FCF1: variants seen among roughly 807,000 people sequenced by gnomAD.
The protein encoded by FCF1 is FCF1 rRNA-processing protein.
FCF1 carries 17 observed loss-of-function variants against 32.5 expected under a neutral mutation model. The observed-to-expected ratio is 0.52, with a 90% CI of 0.36 to 0.78. FCF1 has a LOEUF of 0.78. Among genes scored for constraint, FCF1 ranks in the 30% least tolerant of loss-of-function variants. The pLI, the probability that FCF1 is intolerant of heterozygous loss-of-function variation, is 0.00. For missense variants in FCF1, 201 were observed against 241.1 expected, an observed-to-expected ratio of 0.83 and a Z score of 1.10; for synonymous variants, 84 against 78.4, an observed-to-expected ratio of 1.07 and a Z score of -0.38.
intron 4 of FCF1, among the ~76,000 whole-genome samples, chr14:74,717,641 G>A (rs997072536): frequency 3.9e-5 from 6 of 152,166 alleles, no homozygotes; most frequent in Non-Finnish European, 8.8e-5. Flanking sequence ...CCCCATATGG[G>A]GGAAGACACT....
At chr14:74,724,498 C>G (rs939895631) in intron 5 of FCF1, among the ~76,000 whole-genome samples, 55 of 152,196 alleles carry the variant, frequency 3.6e-4, no homozygotes, top group African/African-American at 1.3e-3. Flanking sequence ...GTTGCCCAGG[C>G]TAGTCTTGAA....
chr14:74,731,306 A>G (rs527854656), intron 5 of FCF1, among the ~76,000 whole-genome samples: 1 of 152,296 alleles, frequency 6.6e-6, no homozygotes, highest in South Asian at 2.1e-4. Flanking sequence ...ACAGCATGTT[A>G]GTATGTTTCT....
chr14:74,713,696 C>G (rs1373681646), intron 2 of FCF1, 144 bp downstream of exon 2: 11 of 697,164 alleles, frequency 1.6e-5, no homozygotes, highest in Non-Finnish European at 2.7e-5. Context: ...CAGTGTTTAA[C>G]AGTAATTTAG....
At chr14:74,731,025 A>G (rs1038658857) in intron 5 of FCF1, among the ~76,000 whole-genome samples, 1 of 152,030 alleles carries the variant, frequency 6.6e-6, no homozygotes, top group African/African-American at 2.4e-5. Flanking sequence ...TAGTAGAGAT[A>G]GGGTCTCACT....
At chr14:74,734,002 G>T in intron 6 of FCF1, 74 bp from the exon 7 acceptor site, 1 of 967,814 alleles carries the variant, frequency 1.0e-6, no homozygotes, top group Non-Finnish European at 1.7e-6. Context: ...CTGGTCAGTC[G>T]TTGTGCCATT....
At chr14:74,713,918 A>G (rs1370290683) in intron 2 of FCF1, among the ~76,000 whole-genome samples, 1 of 152,204 alleles carries the variant, frequency 6.6e-6, no homozygotes, top group Non-Finnish European at 1.5e-5. Flanking sequence ...AAAGATGGCA[A>G]GGTTAGAGAC....
chr14:74,714,933 G>A lies in FCF1; in HGVS notation c.133G>A (p.Glu45Lys). The change falls in exon 3 of 8, where the codon GAA becomes AAA. Residue 45 changes from glutamate (E) to lysine (K), a missense_variant. Glu to Lys is a moderately conservative substitution (Grantham distance 56). Coordinates refer to ENST00000341162, the MANE Select transcript of FCF1 (RefSeq NM_015962.5). ...AAAGAAGGATCCCAGCGCATTAAAG[G>A]AAAGAGAAGTGTGAGTAATCAAACG... is the stretch of plus-strand genomic sequence containing the variant. ...KEKKDPSALK[E>K]REVPQHPSCL... 8 of 1,596,786 alleles carry A rather than the reference G, an allele frequency of 5.0e-6. No individual in the cohort carries two copies. Among genetic ancestry groups the A allele is most frequent in the Non-Finnish European group, 6.8e-6 (8 of 1,174,438 alleles).
Position 74,732,923 on chromosome 14 carries a change from T to C in FCF1, c.453+105T>C, listed in dbSNP as rs567972122. Reference sequence around the variant, plus strand: ...GTAAAACATCTAGGAATATACATTATGGTTAAATTAAAAAAAAATTGCATA... The same window carrying C: ...GTAAAACATCTAGGAATATACATTACGGTTAAATTAAAAAAAAATTGCATA... On this transcript the variant is annotated intron_variant, in intron 6 of 7. Coordinates refer to ENST00000341162, the MANE Select transcript of FCF1 (RefSeq NM_015962.5). 74 of 667,314 alleles carry C rather than the reference T, an allele frequency of 1.1e-4. No homozygotes were observed. In the South Asian group the frequency reaches 1.4e-3, roughly 13 times the overall value. The allele number at this position is 667,314 out of a possible 1,614,324, so 41.3% of individuals were successfully genotyped here. A position where few individuals can be genotyped will look rare whatever the true frequency, so the allele number is the denominator to read the frequency against.
chr14:74,732,347 CT>C (rs2090650329), intron 5 of FCF1, among the ~76,000 whole-genome samples: 1 of 152,052 alleles, frequency 6.6e-6, no homozygotes, highest in Admixed American at 6.6e-5. Flanking sequence ...AGTGATCATC[CT>C]TCTGCCTATA....
intron 5 of FCF1, among the ~76,000 whole-genome samples, chr14:74,726,018 C>T (rs2140032333): frequency 6.7e-6 from 1 of 150,368 alleles, no homozygotes; most frequent in Non-Finnish European, 1.5e-5. Flanking sequence ...ATGATCACAC[C>T]ACTCCACTCC....
chr14:74,713,798 C>A (rs945989940), intron 2 of FCF1, among the ~76,000 whole-genome samples: 2 of 152,124 alleles, frequency 1.3e-5, no homozygotes, highest in African/African-American at 4.8e-5. Context: ...TCTGCCATAT[C>A]GCATTTAAAC....
chr14:74,719,325 A>AAG (rs2090467932), intron 4 of FCF1, among the ~76,000 whole-genome samples: 1 of 150,534 alleles, frequency 6.6e-6, no homozygotes, highest in Admixed American at 6.6e-5. Flanking sequence ...AGAAGAAGAA[A>AAG]AGAAAGTTGG....
In FCF1 at chr14:74,718,692, G is replaced by A. The variant is rs141829590; in HGVS notation, c.292+2593G>A. 1.5e-4 allele frequency among the ~76,000 whole-genome samples: 22 copies of A among 151,514 alleles called. No homozygotes were observed. The East Asian group carries it at 3.3e-3, about 23-fold the overall frequency. ...TCTCTATGTTGGCCAGGTTGGTATC[G>A]AACTCCTGACCTCAAGCATTCCGCC... On this transcript the variant is annotated intron_variant, in intron 4 of 7. Transcript: ENST00000341162.
At chr14:74,734,543 T>C (rs1276693572) in intron 7 of FCF1, among the ~76,000 whole-genome samples, 3 of 151,936 alleles carry the variant, frequency 2.0e-5, no homozygotes, top group Admixed American at 1.3e-4. Flanking sequence ...GCTGTTATCC[T>C]TCTTGGCTAT....
At chr14:74,731,592 C>G (rs1301109430) in intron 5 of FCF1, among the ~76,000 whole-genome samples, 3 of 152,216 alleles carry the variant, frequency 2.0e-5, no homozygotes, top group Admixed American at 2.0e-4. Context: ...TCATTCTTCT[C>G]TCCACAAACA....
intron 4 of FCF1, 108 bp downstream of exon 4, chr14:74,716,207 A>G (rs1025892139): frequency 1.8e-6 from 2 of 1,086,288 alleles, no homozygotes; most frequent in East Asian, 2.4e-5. Flanking sequence ...ATTGCTGGCC[A>G]TTTAATTTAC....
At chr14:74,718,763 C>T (rs761816753) in intron 4 of FCF1, among the ~76,000 whole-genome samples, 1 of 151,918 alleles carries the variant, frequency 6.6e-6, no homozygotes, top group Non-Finnish European at 1.5e-5. Context: ...TGAGCCACCA[C>T]GCCTGGCCAG....
chr14:74,713,314 G>A, intron 1 of FCF1, 114 bp downstream of exon 1: 1 of 1,606,676 alleles, frequency 6.2e-7, no homozygotes, highest in Non-Finnish European at 8.5e-7. Flanking sequence ...TTTTCATTCT[G>A]GTCTTAGCTC....
rs375596801 is a variant in FCF1, at chr14:74,715,964, T to C, written c.157T>C (p.Ser53Pro). ...LKEREVPQHP[S>P]CLFFQYNTQL... is the part of the protein sequence containing the mutation. ...TTTTTCCTTCAGTCCCCAACACCCT[T>C]CCTGCTTATTTTTCCAATATAATAC... is the stretch of plus-strand genomic sequence containing the variant. Residue 53 changes from serine to proline, a missense_variant, in exon 4 of 8, where the codon TCC becomes CCC. By Grantham distance (74) the Ser-to-Pro change is moderately conservative (BLOSUM62 -1). Around this residue, in one of 3 missense-constraint regions of FCF1, gnomAD observed 76 missense variants for 75.0 expected, o/e 1.01. Coordinates refer to ENST00000341162, the MANE Select transcript of FCF1 (RefSeq NM_015962.5). 1.2e-6 allele frequency: 2 copies of C among 1,613,724 alleles called. No individual in the cohort carries two copies. The highest frequency in any genetic ancestry group is 1.7e-6 in the Non-Finnish European group (2 of 1,179,840).
Sources: gnomAD v4.1 joint callset for allele counts (sites outside exome capture counted in the v4.1 genomes callset) on GRCh38, gnomAD v4.1.1 for gene constraint, gnomAD v4.1.1 regional missense constraint, MANE v1.5 for transcripts, NCBI Gene and HGNC (gene_info 2026-07-23, HGNC 2026-07-21) for gene names.